The following SCFD2 variants were observed in gnomAD, a reference collection of about 807,000 sequenced individuals.
SCFD2 encodes sec1 family domain containing 2, also known as sec1 family domain-containing protein 2.
In SCFD2, 54 loss-of-function variants were observed where a neutral mutation model predicts 58.9. That is an observed-to-expected ratio of 0.92 (90% CI 0.74 to 1.15). SCFD2 has a LOEUF of 1.15. Among genes scored for constraint, SCFD2 ranks in the 50% most tolerant of loss-of-function variants. The pLI, the probability that SCFD2 is intolerant of heterozygous loss-of-function variation, is 0.00. For synonymous variants in SCFD2, 321 were observed against 335.9 expected, an observed-to-expected ratio of 0.96 and a Z score of 0.49; for missense variants, 805 against 836.6, an observed-to-expected ratio of 0.96 and a Z score of 0.47.
chr4:53,224,205 A>G (rs906787589), intron 4 of SCFD2, among the ~76,000 whole-genome samples: 1 of 152,076 alleles, frequency 6.6e-6, no homozygotes, highest in African/African-American at 2.4e-5. Context: ...CCTAACCAAC[A>G]TGGTAAAACC....
chr4:52,976,310 G>T (rs528923885), intron 5 of SCFD2, among the ~76,000 whole-genome samples: 23 of 152,274 alleles, frequency 1.5e-4, no homozygotes, highest in Non-Finnish European at 2.1e-4. Context: ...TACCTACCTG[G>T]CAGGTGAAAT....
chr4:53,094,461 C>A (rs1577721542), intron 5 of SCFD2, among the ~76,000 whole-genome samples: 1 of 151,996 alleles, frequency 6.6e-6, no homozygotes, highest in Non-Finnish European at 1.5e-5. Context: ...GTATGAGATA[C>A]CAATCTCATT....
chr4:53,147,778 A>T (rs187837740), intron 4 of SCFD2, among the ~76,000 whole-genome samples: 1 of 152,314 alleles, frequency 6.6e-6, no homozygotes, highest in Non-Finnish European at 1.5e-5. Flanking sequence ...ACAGATGATG[A>T]GTTTTTTAAA....
Position 52,873,689 on chromosome 4 carries a change from C to G in SCFD2, c.*280G>C, listed in dbSNP as rs1047959. 54,711 of 229,826 alleles carry G rather than the reference C, an allele frequency of 0.24. 6,942 individuals carry two copies. Among genetic ancestry groups the G allele is most frequent in the African/African-American group, 0.29 (12,979 of 44,030 alleles). The allele number at this position is 229,826 out of a possible 1,614,324, so 14.2% of individuals were successfully genotyped here. A position where few individuals can be genotyped will look rare whatever the true frequency, so the allele number is the denominator to read the frequency against. ...TAGGTGGAATCAGGAAGATCACAAA[C>G]AGAGGGTTAAGGATAAATGGAAACG... On this transcript the variant is annotated 3_prime_UTR_variant, in exon 9 of 9. Transcript: ENST00000401642.
intron 4 of SCFD2, among the ~76,000 whole-genome samples, chr4:53,175,924 G>C (rs35912570): frequency 0.088 from 13,457 of 152,094 alleles, 1,002 homozygotes; most frequent in South Asian, 0.21. Context: ...ATTCATTAAG[G>C]CTCTAAACCC....
intron 3 of SCFD2, among the ~76,000 whole-genome samples, chr4:53,298,071 C>T (rs1287928167): frequency 6.6e-6 from 1 of 152,132 alleles, no homozygotes; most frequent in African/African-American, 2.4e-5. Context: ...CCGGGCTCAT[C>T]ACACTGGGGA....
At chr4:53,062,394 T>TAAG (rs1723541137) in intron 5 of SCFD2, among the ~76,000 whole-genome samples, 1 of 62,464 alleles carries the variant, frequency 1.6e-5, no homozygotes, top group Non-Finnish European at 4.5e-5. Flanking sequence ...ACAATAACAA[T>TAAG]AATAATAATA....
chr4:53,321,513 A>AATC (rs1210681927), intron 2 of SCFD2, among the ~76,000 whole-genome samples: 1 of 152,138 alleles, frequency 6.6e-6, no homozygotes, highest in African/African-American at 2.4e-5. Context: ...AGTTAAGCTT[A>AATC]ATCACAGGAT....
chr4:53,006,507 A>G (rs17701605), intron 5 of SCFD2, among the ~76,000 whole-genome samples: 32,473 of 152,222 alleles, frequency 0.21, 3,744 homozygotes, highest in Middle Eastern at 0.36. Context: ...TTTAAGGGAT[A>G]AACTCCAGTC....
chr4:52,887,113 A>G (rs1208932180), intron 7 of SCFD2, among the ~76,000 whole-genome samples: 1 of 152,234 alleles, frequency 6.6e-6, no homozygotes, highest in African/African-American at 2.4e-5. Context: ...TTTCTTCTAC[A>G]TAATAGGTGC....
chr4:53,350,857 C>T (rs1486041848), intron 2 of SCFD2, among the ~76,000 whole-genome samples: 1 of 152,078 alleles, frequency 6.6e-6, no homozygotes, highest in Non-Finnish European at 1.5e-5. Flanking sequence ...TTACAGGCAC[C>T]TGCCACCATG....
chr4:52,902,137 T>C (rs1719219825), intron 7 of SCFD2, among the ~76,000 whole-genome samples: 2 of 152,180 alleles, frequency 1.3e-5, no homozygotes, highest in African/African-American at 4.8e-5. Context: ...GGGGCCTGAG[T>C]AGCTTGGGGC....
chr4:53,260,435 T>G (rs910015035), intron 4 of SCFD2, among the ~76,000 whole-genome samples: 2 of 152,112 alleles, frequency 1.3e-5, no homozygotes, highest in Non-Finnish European at 2.9e-5. Flanking sequence ...GTTTAATCAC[T>G]AAGGGATGCT....
At chr4:53,075,611 T>C (rs1238523055) in intron 5 of SCFD2, among the ~76,000 whole-genome samples, 3 of 152,136 alleles carry the variant, frequency 2.0e-5, no homozygotes, top group African/African-American at 7.2e-5. Context: ...GGCTGTTAAT[T>C]AGGTTAGTTT....
intron 5 of SCFD2, among the ~76,000 whole-genome samples, chr4:53,028,049 C>T (rs1291191156): frequency 1.3e-5 from 2 of 151,912 alleles, no homozygotes; most frequent in Non-Finnish European, 2.9e-5. Context: ...GAGTTTGAGA[C>T]CAGCCTGGAC....
At chr4:53,182,001 G>A (rs568388583) in intron 4 of SCFD2, among the ~76,000 whole-genome samples, 129 of 152,296 alleles carry the variant, frequency 8.5e-4, no homozygotes, top group Non-Finnish European at 1.6e-3. Context: ...GGAAATAAAA[G>A]AGGATACAAA....
chr4:52,920,615 A>G (rs1719710650), intron 6 of SCFD2, 110 bp downstream of exon 6: 1 of 681,218 alleles, frequency 1.5e-6, no homozygotes, highest in African/African-American at 1.9e-5. Flanking sequence ...GAGATCATCT[A>G]GAACAAACCT....
chr4:53,239,232 C>T (rs1301528592), intron 4 of SCFD2, among the ~76,000 whole-genome samples: 6 of 150,834 alleles, frequency 4.0e-5, no homozygotes. Context: ...AGTCTGCAAT[C>T]GCAGGCACTC....
intron 2 of SCFD2, among the ~76,000 whole-genome samples, chr4:53,315,019 T>C (rs1420087389): frequency 2.0e-5 from 3 of 152,108 alleles, no homozygotes; most frequent in Non-Finnish European, 2.9e-5. Flanking sequence ...TTGAATGGCA[T>C]AGTTTAGAAG....
Sources: gnomAD v4.1 joint callset for allele counts (sites outside exome capture counted in the v4.1 genomes callset) on GRCh38, gnomAD v4.1.1 for gene constraint, MANE v1.5 for transcripts, NCBI Gene and HGNC (gene_info 2026-07-23, HGNC 2026-07-21) for gene names.